NPY2R: variants seen among roughly 807,000 people sequenced by gnomAD.
NPY2R encodes neuropeptide Y receptor type 2.
A neutral mutation model predicts 22.3 loss-of-function variants in NPY2R; 17 were observed. That is an observed-to-expected ratio of 0.76 (90% CI 0.52 to 1.14). The LOEUF (loss-of-function observed/expected upper bound fraction) is 1.14, where lower values mean the gene tolerates loss of function less well. Ranked by LOEUF, NPY2R falls within the 50% of genes most tolerant of loss-of-function variation. The pLI is 0.00. For missense variants in NPY2R, 424 were observed against 467.9 expected (o/e 0.91, Z 0.87); for synonymous variants, 209 against 183.4 (o/e 1.14, Z -1.13).
chr4:155,201,665 G>T, the NPY2R span, among the ~76,000 whole-genome samples: 1 of 152,082 alleles, frequency 6.6e-6, no homozygotes. Flanking sequence ...GACCCTAAAG[G>T]TCAGTTGACT....
At chr4:155,211,637 C>T (rs554831902) in intron 1 of NPY2R, among the ~76,000 whole-genome samples, 3 of 152,188 alleles carry the variant, frequency 2.0e-5, no homozygotes, top group South Asian at 2.1e-4. Context: ...TCAGATCATG[C>T]AAAACAGAAT....
chr4:155,210,864 G>A (rs1368017923), intron 1 of NPY2R, among the ~76,000 whole-genome samples: 6 of 152,260 alleles, frequency 3.9e-5, no homozygotes, highest in South Asian at 2.1e-4. Flanking sequence ...TAAATGGAGC[G>A]GGAGAAAGAG....
chr4:155,200,180 G>A, the NPY2R span, among the ~76,000 whole-genome samples: 1 of 152,166 alleles, frequency 6.6e-6, no homozygotes, highest in East Asian at 1.9e-4. Context: ...CCATAAAGAA[G>A]TGGGCAAAGG....
At chr4:155,181,113 T>C in the NPY2R span, among the ~76,000 whole-genome samples, 2 of 151,936 alleles carry the variant, frequency 1.3e-5, no homozygotes, top group Non-Finnish European at 2.9e-5. Flanking sequence ...GGAGGTCATT[T>C]CCAGGATCAG....
At chr4:155,187,227 G>A in the NPY2R span, among the ~76,000 whole-genome samples, 1 of 152,160 alleles carries the variant, frequency 6.6e-6, no homozygotes, top group South Asian at 2.1e-4. Context: ...TCAGAGAGAT[G>A]TCCTCCTTTC....
the NPY2R span, among the ~76,000 whole-genome samples, chr4:155,179,087 A>T: frequency 6.6e-6 from 1 of 152,020 alleles, no homozygotes; most frequent in Non-Finnish European, 1.5e-5. Context: ...TGTATTTTTC[A>T]TATCTAGAAG....
chr4:155,199,177 T>C, the NPY2R span, among the ~76,000 whole-genome samples: 1 of 152,038 alleles, frequency 6.6e-6, no homozygotes, highest in African/African-American at 2.4e-5. Flanking sequence ...ATTGGGCTTC[T>C]ACTGGCAGAG....
At chr4:155,191,019 T>A in the NPY2R span, among the ~76,000 whole-genome samples, 1 of 151,958 alleles carries the variant, frequency 6.6e-6, no homozygotes, top group Admixed American at 6.6e-5. Flanking sequence ...CAGAATTTTA[T>A]TGCTGGAAGA....
chr4:155,200,517 G>A, the NPY2R span, among the ~76,000 whole-genome samples: 9 of 152,020 alleles, frequency 5.9e-5, no homozygotes, highest in African/African-American at 2.2e-4. Context: ...ATACTCAAAG[G>A]AATATAGATC....
the NPY2R span, among the ~76,000 whole-genome samples, chr4:155,176,441 C>G: frequency 6.6e-6 from 1 of 152,112 alleles, no homozygotes; most frequent in African/African-American, 2.4e-5. Context: ...ATATAATGCT[C>G]CCATAATGAT....
At chr4:155,204,712 T>C (rs1048004814), upstream of NPY2R, among the ~76,000 whole-genome samples, 2 of 152,086 alleles carry the variant, frequency 1.3e-5, no homozygotes, top group Non-Finnish European at 2.9e-5. Context: ...ATTTTTAAGC[T>C]TAAAAGTTGA....
chr4:155,177,095 G>C, the NPY2R span, among the ~76,000 whole-genome samples: 2 of 152,148 alleles, frequency 1.3e-5, no homozygotes, highest in Non-Finnish European at 2.9e-5. Flanking sequence ...CCAAATTCAT[G>C]TCCTTCTCAC....
rs1025067956 is a variant in NPY2R, at chr4:155,214,010, C to A, written c.71C>A (p.Pro24Gln). 5 of 1,613,884 alleles carry A rather than the reference C, an allele frequency of 3.1e-6. No individual in the cohort carries two copies. The highest frequency in any genetic ancestry group is 3.3e-5 in the Admixed American group (2 of 59,984). ...GAAATGAAGGTGGAACAATACGGGCCACAAACAACTCCTAGAGGTGAACTG... is the reference window on the plus strand; with the variant it reads ...GAAATGAAGGTGGAACAATACGGGCAACAAACAACTCCTAGAGGTGAACTG... ...VEEMKVEQYG[P>Q]QTTPRGELVP... Residue 24 changes from proline to glutamine, a missense_variant, in exon 2 of 2, where the codon CCA becomes CAA. Transcript: ENST00000329476.
chr4:155,201,850 G>C, the NPY2R span, among the ~76,000 whole-genome samples: 1 of 152,080 alleles, frequency 6.6e-6, no homozygotes, highest in Non-Finnish European at 1.5e-5. Context: ...TGGCTTTATA[G>C]CACAGCAGGA....
At chr4:155,212,552 A>C (rs1323296362) in intron 1 of NPY2R, among the ~76,000 whole-genome samples, 1 of 152,234 alleles carries the variant, frequency 6.6e-6, no homozygotes, top group East Asian at 1.9e-4. Flanking sequence ...GGTTTGAAGA[A>C]GTAAAGGCGC....
the NPY2R span, among the ~76,000 whole-genome samples, chr4:155,184,352 T>C: frequency 3.9e-5 from 6 of 152,212 alleles, no homozygotes; most frequent in Non-Finnish European, 8.8e-5. Context: ...CTTACTAGAC[T>C]AGAGACATAT....
rs1332171815 is a variant in NPY2R at position 155,215,188 on chromosome 4, A to T, written c.*103A>T. ...AACTGATTTCCCATTTTAAAGAAGA[A>T]GTGGATCTAAATGGAAGCATCTGCT... is the stretch of plus-strand genomic sequence containing the variant. On this transcript the variant is annotated 3_prime_UTR_variant, in exon 2 of 2. Transcript: ENST00000329476. The T allele has an allele frequency of 9.9e-6, 11 of 1,115,108 alleles. No individual in the cohort carries two copies. The highest frequency in any genetic ancestry group is 1.9e-5 in the Admixed American group (1 of 51,474). The allele number at this position is 1,115,108 out of a possible 1,614,324, so 69.1% of individuals were successfully genotyped here.
At chr4:155,195,307 C>A in the NPY2R span, among the ~76,000 whole-genome samples, 2 of 151,756 alleles carry the variant, frequency 1.3e-5, no homozygotes, top group Non-Finnish European at 2.9e-5. Flanking sequence ...GATATTCACC[C>A]GTTAAGTGCT....
intron 1 of NPY2R, among the ~76,000 whole-genome samples, 158 bp downstream of exon 1, chr4:155,209,227 C>A (rs1262366563): frequency 6.6e-6 from 1 of 152,126 alleles, no homozygotes; most frequent in East Asian, 1.9e-4. Context: ...GGATGTAATA[C>A]CATCCCCATT....
Sources: allele counts gnomAD v4.1 joint callset (sites outside exome capture counted in the v4.1 genomes callset), GRCh38; gene constraint gnomAD v4.1.1; transcripts MANE v1.5; gene names NCBI Gene and HGNC (gene_info 2026-07-23, HGNC 2026-07-21).